The following SPATA3 variants were observed in gnomAD, a reference collection of about 807,000 sequenced individuals.
SPATA3 encodes spermatogenesis-associated protein 3.
In SPATA3, 6 loss-of-function variants were observed where a neutral mutation model predicts 5.7. That is an observed-to-expected ratio of 1.06 (90% CI 0.58 to 2.09). The LOEUF (loss-of-function observed/expected upper bound fraction) is 2.09, where lower values mean the gene tolerates loss of function less well. Ranked by LOEUF, SPATA3 falls within the 30% of genes most tolerant of loss-of-function variation. SPATA3 has a pLI of 0.00. For missense variants in SPATA3, 155 were observed against 130.4 expected, an observed-to-expected ratio of 1.19 and a Z score of -0.92; for synonymous variants, 44 against 48.4, an observed-to-expected ratio of 0.91 and a Z score of 0.37.
chr2:231,009,696 C>T (rs1692733762), downstream of SPATA3, among the ~76,000 whole-genome samples: 1 of 152,246 alleles, frequency 6.6e-6, no homozygotes, highest in African/African-American at 2.4e-5. Context: ...TCCCTGTCTT[C>T]ATCCTGCCGA....
chr2:230,998,929 T>G (rs966037635), intron 1 of SPATA3, among the ~76,000 whole-genome samples: 13 of 152,154 alleles, frequency 8.5e-5, no homozygotes, highest in African/African-American at 2.9e-4. Flanking sequence ...ACACCAAAAC[T>G]TGTACACAAA....
At chr2:231,019,384 T>C (rs947335913) in intron 6 of SPATA3, among the ~76,000 whole-genome samples, 32 of 146,704 alleles carry the variant, frequency 2.2e-4, no homozygotes, top group East Asian at 6.4e-4. Context: ...AGTGCAGTGG[T>C]GCGATCTCAG....
At chr2:231,002,537 A>T in intron 2 of SPATA3, 147 bp from the exon 3 acceptor site, 1 of 460,464 alleles carries the variant, frequency 2.2e-6, no homozygotes. Flanking sequence ...GGGAAGAATT[A>T]AATGCTCTCC....
downstream of SPATA3, among the ~76,000 whole-genome samples, chr2:231,005,067 TCAC>T (rs1692503015): frequency 5.8e-5 from 6 of 104,104 alleles, no homozygotes; most frequent in Admixed American, 1.8e-4. Context: ...ATCACCATCA[TCAC>T]CACCACCATC....
chr2:231,000,317 G>A (rs749932841), intron 1 of SPATA3, 49 bp from the exon 2 acceptor site: 28 of 1,395,112 alleles, frequency 2.0e-5, no homozygotes, highest in Non-Finnish European at 2.4e-5. Context: ...CCCCGCCCCA[G>A]CCTCCCAGGG....
downstream of SPATA3, among the ~76,000 whole-genome samples, chr2:231,010,914 A>T (rs1446572695): frequency 2.3e-5 from 1 of 43,960 alleles, no homozygotes; most frequent in African/African-American, 1.7e-4. Flanking sequence ...GTATTTTTCT[A>T]AAAAAAAAAA....
At chr2:231,011,826 C>A (rs1410286429), downstream of SPATA3, among the ~76,000 whole-genome samples, 1 of 152,218 alleles carries the variant, frequency 6.6e-6, no homozygotes, top group Non-Finnish European at 1.5e-5. Context: ...GGAAGGACAG[C>A]ACTTCAGGCT....
chr2:231,015,650 C>G (rs1367184492), intron 6 of SPATA3, among the ~76,000 whole-genome samples: 1 of 152,210 alleles, frequency 6.6e-6, no homozygotes, highest in African/African-American at 2.4e-5. Context: ...AGAAGTGACT[C>G]AACACACACG....
chr2:231,005,577 C>T (rs865787912), downstream of SPATA3, among the ~76,000 whole-genome samples: 1 of 21,612 alleles, frequency 4.6e-5, no homozygotes, highest in Admixed American at 3.8e-4. Context: ...ATCATCATCA[C>T]CATCATCATC....
chr2:231,000,180 A>G (rs1214115717), intron 1 of SPATA3, among the ~76,000 whole-genome samples, 186 bp from the exon 2 acceptor site: 1 of 152,074 alleles, frequency 6.6e-6, no homozygotes, highest in African/African-American at 2.4e-5. Flanking sequence ...TTTGTGGGAG[A>G]ACTGCCTTCC....
intron 7 of SPATA3, chr2:231,020,016 G>GGA (rs3034426): frequency 0.052 from 6,589 of 127,166 alleles, 398 homozygotes; most frequent in African/African-American, 0.15. Context: ...TACCAAAGGG[G>GGA]AAAAAAAAAA....
chr2:231,011,774 G>A (rs2125120773), downstream of SPATA3, among the ~76,000 whole-genome samples: 1 of 152,328 alleles, frequency 6.6e-6, no homozygotes, highest in South Asian at 2.1e-4. Context: ...TCAGGGCCAT[G>A]TTGGAGTCAA....
intron 1 of SPATA3, among the ~76,000 whole-genome samples, chr2:230,998,738 G>A (rs925042310): frequency 3.9e-5 from 6 of 152,210 alleles, no homozygotes; most frequent in African/African-American, 1.4e-4. Context: ...AAGTGTTGGT[G>A]AGGATGTAGA....
At chr2:230,998,465 C>CA (rs1692215469) in intron 1 of SPATA3, among the ~76,000 whole-genome samples, 1 of 152,174 alleles carries the variant, frequency 6.6e-6, no homozygotes, top group Admixed American at 6.5e-5. Context: ...GACTCATACT[C>CA]AGAGAAGAAT....
downstream of SPATA3, among the ~76,000 whole-genome samples, chr2:231,005,462 A>AT (rs1692571659): frequency 7.1e-6 from 1 of 141,492 alleles, no homozygotes; most frequent in Admixed American, 7.0e-5. Context: ...CACCACCACC[A>AT]CCACCACCAT....
At chr2:231,019,536 G>A (rs947833094) in intron 6 of SPATA3, among the ~76,000 whole-genome samples, 1 of 149,854 alleles carries the variant, frequency 6.7e-6, no homozygotes, top group Non-Finnish European at 1.5e-5. Flanking sequence ...GTGTTAGCCG[G>A]GATGGTCTCG....
chr2:230,998,228 G>T (rs553153289), intron 1 of SPATA3, among the ~76,000 whole-genome samples: 2 of 152,250 alleles, frequency 1.3e-5, no homozygotes, highest in African/African-American at 4.8e-5. Context: ...TGATGGAGAT[G>T]AGAGTGCTAA....
At chr2:231,007,468 AAC>A (rs370506139), downstream of SPATA3, among the ~76,000 whole-genome samples, 2 of 152,176 alleles carry the variant, frequency 1.3e-5, no homozygotes, top group African/African-American at 4.8e-5. Flanking sequence ...ACACTCACAG[AAC>A]ACAGTGTTTG....
intron 6 of SPATA3, among the ~76,000 whole-genome samples, chr2:231,019,481 G>T (rs185618067): frequency 6.8e-6 from 1 of 147,994 alleles, no homozygotes; most frequent in African/African-American, 2.5e-5. Flanking sequence ...CTGCCACCAC[G>T]CCTGGCTAAT....
Sources: gnomAD v4.1 joint callset for allele counts (sites outside exome capture counted in the v4.1 genomes callset) on GRCh38, gnomAD v4.1.1 for gene constraint, MANE v1.5 for transcripts, NCBI Gene and HGNC (gene_info 2026-07-23, HGNC 2026-07-21) for gene names.